TIMP4: variants seen among roughly 807,000 people sequenced by gnomAD.
TIMP4 encodes metalloproteinase inhibitor 4.
A neutral mutation model predicts 27.3 loss-of-function variants in TIMP4; 28 were observed. The observed-to-expected ratio is 1.03, with a 90% confidence interval of 0.76 to 1.41. TIMP4 has a LOEUF of 1.41. TIMP4 is among the 40% of genes most tolerant of loss of function. The pLI, the probability that TIMP4 is intolerant of heterozygous loss-of-function variation, is 0.00. For synonymous variants in TIMP4, 138 were observed against 115.5 expected (o/e 1.20, Z -1.25); for missense variants, 307 against 285.5 (o/e 1.08, Z -0.54).
intron 2 of TIMP4, 66 bp downstream of exon 2, chr3:12,157,319 C>T (rs1697486779): frequency 3.1e-5 from 46 of 1,505,384 alleles, no homozygotes; most frequent in Non-Finnish European, 4.0e-5. Flanking sequence ...CCAGCCCTCC[C>T]AGAACACAGA....
At chr3:12,154,886 G>C (rs1697410921) in intron 3 of TIMP4, among the ~76,000 whole-genome samples, 1 of 152,112 alleles carries the variant, frequency 6.6e-6, no homozygotes, top group African/African-American at 2.4e-5. Context: ...TCCCACAGAA[G>C]ATATTCAATA....
chr3:12,157,018 G>A, intron 2 of TIMP4, 84 bp from the exon 3 acceptor site: 1 of 970,916 alleles, frequency 1.0e-6, no homozygotes, highest in East Asian at 2.5e-5. Flanking sequence ...TCACTTCTCA[G>A]CCTAAAAATG....
At position 12,158,892 on chromosome 3, in the gene TIMP4, C is replaced by T. The variant is rs1453715596; in HGVS notation, c.-52G>A. 6.8e-7 allele frequency: 1 copy of T among 1,469,948 alleles called. No individual in the cohort carries two copies. The highest frequency in any genetic ancestry group is 1.3e-5 in the South Asian group (1 of 74,168). 91.1% of individuals were successfully genotyped at this position (1,469,948 alleles called of 1,614,324 possible). On this transcript the variant is annotated 5_prime_UTR_variant, in exon 1 of 5. Coordinates refer to ENST00000287814, the MANE Select transcript of TIMP4 (RefSeq NM_003256.4). ...GTGAGGTCTGGGGGACTGGACGGCC[C>T]CAGCAGGGCTCCTTCCCAAGGCCGT...
chr3:12,157,614 A>G, intron 1 of TIMP4, 132 bp from the exon 2 acceptor site: 1 of 775,402 alleles, frequency 1.3e-6, no homozygotes, highest in Non-Finnish European at 2.1e-6. Context: ...GTTGTGAGCA[A>G]CGTGATGTGT....
intron 3 of TIMP4, among the ~76,000 whole-genome samples, chr3:12,155,217 T>C (rs553891687): frequency 6.6e-6 from 1 of 152,320 alleles, no homozygotes; most frequent in South Asian, 2.1e-4. Context: ...GGAATACAGA[T>C]ATAAAAATGA....
chr3:12,153,435 A>G lies in TIMP4; in HGVS notation c.*80T>C. ...AGCTGGCAGCAAGAGGTCAGGTGGTAATGGCCAAAGCTCTGCAGGGAAGGA... is the reference window on the plus strand; with the variant it reads ...AGCTGGCAGCAAGAGGTCAGGTGGTGATGGCCAAAGCTCTGCAGGGAAGGA... On this transcript the variant is annotated 3_prime_UTR_variant, in exon 5 of 5. Transcript: ENST00000287814. 1.3e-6 allele frequency: 2 copies of G among 1,519,716 alleles called. No individual in the cohort carries two copies. The highest frequency in any genetic ancestry group is 1.8e-6 in the Non-Finnish European group (2 of 1,097,114). The allele number at this position is 1,519,716 out of a possible 1,614,324, so 94.1% of individuals were successfully genotyped here.
chr3:12,155,678 A>G (rs376270887), intron 3 of TIMP4, among the ~76,000 whole-genome samples: 14 of 152,210 alleles, frequency 9.2e-5, no homozygotes, highest in African/African-American at 3.4e-4. Flanking sequence ...CCTGGGCACC[A>G]TTGATAACTT....
chr3:12,155,763 C>A (rs555079781), intron 3 of TIMP4, among the ~76,000 whole-genome samples: 2 of 152,218 alleles, frequency 1.3e-5, no homozygotes, highest in Admixed American at 6.5e-5. Context: ...GAACATGTTT[C>A]CTCATTTCCC....
chr3:12,156,985 A>T (rs10433537), intron 2 of TIMP4, 51 bp from the exon 3 acceptor site: 78,865 of 1,320,966 alleles, frequency 0.06, 2,603 homozygotes, highest in Non-Finnish European at 0.065. Context: ...AGTGTACTGT[A>T]TATATTAACA....
At chr3:12,156,660 A>C (rs1375887007) in intron 3 of TIMP4, among the ~76,000 whole-genome samples, 160 bp downstream of exon 3, 3 of 152,212 alleles carry the variant, frequency 2.0e-5, no homozygotes, top group Non-Finnish European at 4.4e-5. Context: ...GGCTCCTCCT[A>C]ACCCAGAGGT....
At chr3:12,154,120 T>G in intron 4 of TIMP4, among the ~76,000 whole-genome samples, 1 of 152,252 alleles carries the variant, frequency 6.6e-6, no homozygotes, top group Non-Finnish European at 1.5e-5. Context: ...TACAGTTATC[T>G]CAGTCTGCCT....
rs554141396 is a variant in TIMP4, at chr3:12,154,570, G to A, written c.353-119C>T. The A allele has an allele frequency of 2.5e-4, 275 of 1,103,294 alleles. 2 individuals carry two copies. In the South Asian group the frequency reaches 3.9e-3, roughly 16 times the overall value. 68.3% of individuals were successfully genotyped at this position (1,103,294 alleles called of 1,614,324 possible). A position where few individuals can be genotyped will look rare whatever the true frequency, so the allele number is the denominator to read the frequency against. On this transcript the variant is annotated intron_variant, in intron 3 of 4. Coordinates refer to ENST00000287814, the MANE Select transcript of TIMP4 (RefSeq NM_003256.4). ...CCCAATGACTTTGGTGGCAGTGGTG[G>A]CATGGGGCTCAGTGAAGGGACCAAT...
In TIMP4 at chr3:12,158,882, C is replaced by T. The variant is rs112039979; in HGVS notation, c.-42G>A. ...GACTGAGCCTGTGAGGTCTGGGGGACTGGACGGCCCCAGCAGGGCTCCTTC... is the reference window on the plus strand; with the variant it reads ...GACTGAGCCTGTGAGGTCTGGGGGATTGGACGGCCCCAGCAGGGCTCCTTC... On this transcript the variant is annotated 5_prime_UTR_variant, in exon 1 of 5. Transcript: ENST00000287814. 9 of 1,497,036 alleles carry T rather than the reference C, an allele frequency of 6.0e-6. No homozygotes were observed. The African/African-American group carries it at 8.3e-5, about 14-fold the overall frequency. 92.7% of individuals were successfully genotyped at this position (1,497,036 alleles called of 1,614,324 possible).
At chr3:12,156,049 C>A (rs1574866582) in intron 3 of TIMP4, among the ~76,000 whole-genome samples, 2 of 152,192 alleles carry the variant, frequency 1.3e-5, no homozygotes, top group East Asian at 3.8e-4. Context: ...AAGGACTGTG[C>A]CTTGTTACTG....
chr3:12,156,348 T>C (rs1368039957), intron 3 of TIMP4, among the ~76,000 whole-genome samples: 1 of 152,252 alleles, frequency 6.6e-6, no homozygotes, highest in Non-Finnish European at 1.5e-5. Context: ...TGTGATTCTT[T>C]AACTGTTCTA....
At chr3:12,156,474 G>A (rs1697460679) in intron 3 of TIMP4, among the ~76,000 whole-genome samples, 1 of 152,208 alleles carries the variant, frequency 6.6e-6, no homozygotes, top group South Asian at 2.1e-4. Flanking sequence ...GACCTGCAAG[G>A]AGCAGTTTTA....
rs1216958344 is a variant in TIMP4 at position 12,153,240 on chromosome 3, C to T, written c.*275G>A. ...ATTCCTGGGGAGGAAAGGGAATAGT[C>T]CTGGCTTTAGAAAACAGACTAAGCC... is the stretch of plus-strand genomic sequence containing the variant. On this transcript the variant is annotated 3_prime_UTR_variant, in exon 5 of 5. Coordinates refer to ENST00000287814, the MANE Select transcript of TIMP4 (RefSeq NM_003256.4). 3 of 524,958 alleles carry T rather than the reference C, an allele frequency of 5.7e-6. No individual in the cohort carries two copies. The highest frequency in any genetic ancestry group is 1.0e-5 in the Non-Finnish European group (3 of 288,738). The allele number at this position is 524,958 out of a possible 1,614,324, so 32.5% of individuals were successfully genotyped here.
intron 3 of TIMP4, among the ~76,000 whole-genome samples, chr3:12,154,863 A>G (rs979918075): frequency 7.9e-5 from 6 of 76,414 alleles, no homozygotes; most frequent in African/African-American, 1.7e-4. Context: ...TAAAGTTCCC[A>G]GCACAGTTGT....
chr3:12,156,749 G>T, intron 3 of TIMP4, 71 bp downstream of exon 3: 1 of 1,262,080 alleles, frequency 7.9e-7, no homozygotes, highest in Non-Finnish European at 1.2e-6. Flanking sequence ...GAAGACCCTG[G>T]CTCCTTTCTC....
Sources: allele counts gnomAD v4.1 joint callset (sites outside exome capture counted in the v4.1 genomes callset), GRCh38; gene constraint gnomAD v4.1.1; transcripts MANE v1.5; gene names NCBI Gene and HGNC (gene_info 2026-07-23, HGNC 2026-07-21).